PHLPP1: variants seen among roughly 807,000 people sequenced by gnomAD.
PHLPP1 encodes the protein PH domain and leucine rich repeat protein phosphatase 1.
Under a neutral mutation model 117.2 loss-of-function variants are expected in PHLPP1, and 42 were observed. That is an observed-to-expected ratio of 0.36 (90% confidence interval 0.28 to 0.46). The LOEUF is 0.46. Ranked by LOEUF, PHLPP1 falls within the 20% of genes least tolerant of loss-of-function variation. The pLI, the probability that PHLPP1 is intolerant of heterozygous loss-of-function variation, is 1.00. For synonymous variants in PHLPP1, 1,042 were observed against 970.7 expected (o/e 1.07, Z -1.37); for missense variants, 2,084 against 2,241.9 (o/e 0.93, Z 1.42).
chr18:62,755,123 A>G (rs1011006072), intron 1 of PHLPP1, among the ~76,000 whole-genome samples: 1 of 151,924 alleles, frequency 6.6e-6, no homozygotes, highest in Non-Finnish European at 1.5e-5. Context: ...TTTTTGTAGG[A>G]AGTAGAGGTT....
Position 62,803,458 on chromosome 18 carries a change from TA to T in PHLPP1, c.1577-26576del, listed in dbSNP as rs1292803970. Among the ~76,000 whole-genome samples, 137 of 152,318 alleles carry T rather than the reference TA, an allele frequency of 9.0e-4. 1 individual carries two copies. Among genetic ancestry groups the T allele is most frequent in the Non-Finnish European group, 1.1e-3 (78 of 68,022 alleles). Reference sequence around the variant, plus strand: ...CTGCTCATTTTGAGCTTTATATAAATAGTAGCTTATCATATGTACTCTTTTG... The same window carrying T: ...CTGCTCATTTTGAGCTTTATATAAATGTAGCTTATCATATGTACTCTTTTG... On this transcript the variant is annotated intron_variant, in intron 1 of 16. Coordinates refer to ENST00000262719, the MANE Select transcript of PHLPP1 (RefSeq NM_194449.4).
chr18:62,859,769 A>G (rs1284580382), intron 3 of PHLPP1, among the ~76,000 whole-genome samples: 5 of 152,228 alleles, frequency 3.3e-5, no homozygotes, highest in South Asian at 2.1e-4. Context: ...GTTTTCAGGA[A>G]TAAAACTCCT....
chr18:62,823,889 C>T (rs965882988), intron 1 of PHLPP1, among the ~76,000 whole-genome samples: 19 of 151,892 alleles, frequency 1.3e-4, no homozygotes, highest in Admixed American at 1.2e-3. Context: ...TCCAGCACTT[C>T]GGGAGGCCGA....
chr18:62,934,332 CGGT>C (rs1310842384), intron 10 of PHLPP1, among the ~76,000 whole-genome samples: 7 of 152,012 alleles, frequency 4.6e-5, no homozygotes, highest in Admixed American at 6.6e-5. Context: ...ATGTACCCGT[CGGT>C]GGTGAATTGG....
At chr18:62,876,347 G>A (rs559446434) in intron 4 of PHLPP1, among the ~76,000 whole-genome samples, 35 of 152,204 alleles carry the variant, frequency 2.3e-4, no homozygotes, top group Non-Finnish European at 4.7e-4. Context: ...GCTCAACCTA[G>A]CGACTCCTAC....
chr18:62,818,738 C>T (rs963156121), intron 1 of PHLPP1, among the ~76,000 whole-genome samples: 2 of 152,148 alleles, frequency 1.3e-5, no homozygotes, highest in Admixed American at 1.3e-4. Context: ...TAAAAATTCT[C>T]TTCCAAGGTA....
chr18:62,758,837 C>G (rs550895080), intron 1 of PHLPP1, among the ~76,000 whole-genome samples: 1 of 152,226 alleles, frequency 6.6e-6, no homozygotes, highest in South Asian at 2.1e-4. Context: ...GATAATGAAC[C>G]AAATGCAAAT....
At chr18:62,869,494 T>A (rs1276184203) in intron 4 of PHLPP1, among the ~76,000 whole-genome samples, 1 of 152,236 alleles carries the variant, frequency 6.6e-6, no homozygotes. Context: ...CCTTGTACCC[T>A]TCTCTTTATT....
chr18:62,772,222 T>A (rs1912805620), intron 1 of PHLPP1, among the ~76,000 whole-genome samples: 1 of 152,162 alleles, frequency 6.6e-6, no homozygotes, highest in Non-Finnish European at 1.5e-5. Context: ...TTCTGGAAGG[T>A]TATGTAATGT....
chr18:62,870,548 AG>A (rs1915878581), intron 4 of PHLPP1, among the ~76,000 whole-genome samples: 1 of 152,192 alleles, frequency 6.6e-6, no homozygotes, highest in Non-Finnish European at 1.5e-5. Context: ...TAGATGCCAA[AG>A]GGTAATTTAT....
chr18:62,856,705 A>G (rs1270245597), intron 3 of PHLPP1, among the ~76,000 whole-genome samples: 2 of 152,164 alleles, frequency 1.3e-5, no homozygotes, highest in African/African-American at 2.4e-5. Context: ...AAGTGCTGGG[A>G]TTACAGGCAT....
intron 4 of PHLPP1, among the ~76,000 whole-genome samples, chr18:62,886,349 C>T (rs1389841889): frequency 3.9e-5 from 6 of 152,222 alleles, no homozygotes; most frequent in African/African-American, 7.2e-5. Flanking sequence ...CACAGTGGCA[C>T]GATCACAGCT....
chr18:62,748,983 G>A (rs1302838220), intron 1 of PHLPP1, among the ~76,000 whole-genome samples: 2 of 151,986 alleles, frequency 1.3e-5, no homozygotes, highest in African/African-American at 4.8e-5. Context: ...ACTTCAAAAT[G>A]TCACATAAAA....
intron 13 of PHLPP1, among the ~76,000 whole-genome samples, chr18:62,961,769 T>C (rs535221455): frequency 6.6e-6 from 1 of 152,224 alleles, no homozygotes; most frequent in Non-Finnish European, 1.5e-5. Context: ...AACAAGGTAT[T>C]AACTTGATTT....
At chr18:62,924,921 C>T (rs909289539) in intron 10 of PHLPP1, among the ~76,000 whole-genome samples, 1 of 151,308 alleles carries the variant, frequency 6.6e-6, no homozygotes, top group Non-Finnish European at 1.5e-5. Context: ...ATTTGGTAAC[C>T]AAATAACAAA....
At chr18:62,760,234 C>T (rs1484891003) in intron 1 of PHLPP1, among the ~76,000 whole-genome samples, 1 of 152,128 alleles carries the variant, frequency 6.6e-6, no homozygotes, top group Non-Finnish European at 1.5e-5. Context: ...ACACCAGGCC[C>T]ACATTCCTGC....
At chr18:62,825,687 C>G (rs1359129791) in intron 1 of PHLPP1, among the ~76,000 whole-genome samples, 1 of 151,852 alleles carries the variant, frequency 6.6e-6, no homozygotes, top group Non-Finnish European at 1.5e-5. Context: ...CTCCTGAGCT[C>G]AAGCAGTCTT....
chr18:62,905,402 G>T, intron 8 of PHLPP1, 118 bp downstream of exon 8: 1 of 440,996 alleles, frequency 2.3e-6, no homozygotes, highest in South Asian at 1.0e-4. Context: ...AAAAATTAAT[G>T]ATTTTTACTT....
At chr18:62,943,936 G>A (rs962463855) in intron 11 of PHLPP1, among the ~76,000 whole-genome samples, 5 of 152,124 alleles carry the variant, frequency 3.3e-5, no homozygotes, top group Admixed American at 2.6e-4. Context: ...CACACTGGAT[G>A]TATATGATAT....
Sources: allele counts gnomAD v4.1 joint callset (sites outside exome capture counted in the v4.1 genomes callset), GRCh38; gene constraint gnomAD v4.1.1; transcripts MANE v1.5; gene names NCBI Gene and HGNC (gene_info 2026-07-23, HGNC 2026-07-21).